Variants in NHSL1 observed in about 807,000 individuals in gnomAD.
NHSL1 encodes NHS like 1, also known as NHS-like protein 1.
A neutral mutation model predicts 95.0 loss-of-function variants in NHSL1; 48 were observed. The ratio of observed to expected loss-of-function variants is 0.51; its 90% confidence interval spans 0.40 to 0.64. The LOEUF (loss-of-function observed/expected upper bound fraction) is 0.64. NHSL1 is among the 30% of genes least tolerant of loss of function. NHSL1 has a pLI of 0.00. For missense variants in NHSL1, 1,971 were observed against 2,077.7 expected, an observed-to-expected ratio of 0.95 and a Z score of 1.00; for synonymous variants, 783 against 833.9, an observed-to-expected ratio of 0.94 and a Z score of 1.05.
At chr6:138,601,556 G>A (rs1784370806) in intron 1 of NHSL1, among the ~76,000 whole-genome samples, 1 of 152,142 alleles carries the variant, frequency 6.6e-6, no homozygotes, top group Admixed American at 6.5e-5. Context: ...GCTCATGCCT[G>A]CAATCCCAGC....
At chr6:138,654,330 G>A (rs577575953) in intron 1 of NHSL1, among the ~76,000 whole-genome samples, 2 of 152,264 alleles carry the variant, frequency 1.3e-5, no homozygotes, top group Non-Finnish European at 2.9e-5. Flanking sequence ...TGTGTATGCT[G>A]TTATTAGGAC....
chr6:138,662,926 C>T (rs1202056263), intron 1 of NHSL1, among the ~76,000 whole-genome samples: 1 of 151,060 alleles, frequency 6.6e-6, no homozygotes, highest in Non-Finnish European at 1.5e-5. Context: ...ACTTAGGTAA[C>T]AAATAGCAAA....
At chr6:138,514,091 C>T (rs760976094) in intron 1 of NHSL1, among the ~76,000 whole-genome samples, 6 of 151,758 alleles carry the variant, frequency 4.0e-5, no homozygotes, top group African/African-American at 7.3e-5. Flanking sequence ...CCAAGGCGGG[C>T]GGATCACCTG....
intron 1 of NHSL1, among the ~76,000 whole-genome samples, chr6:138,636,612 T>C (rs1201232112): frequency 6.6e-6 from 1 of 152,186 alleles, no homozygotes; most frequent in Non-Finnish European, 1.5e-5. Context: ...CATTTCTATA[T>C]GCCAACAGTG....
chr6:138,466,041 T>TGTGG lies in NHSL1; in HGVS notation c.339+7264_339+7265insCCAC, dbSNP rs372536926. Among the ~76,000 whole-genome samples, 11 of 125,612 alleles carry TGTGG rather than the reference T, an allele frequency of 8.8e-5. No individual in the cohort carries two copies. The South Asian group carries it at 2.4e-3, about 28-fold the overall frequency. 82.4% of individuals were successfully genotyped at this position (125,612 alleles called of 152,430 possible). The stretch of plus-strand genomic sequence containing the variant: ...GCCTGGCCCCACATACACTCCTTTT[T>TGTGG]GGGGGGGGGGCAGGGGGGAACAGAG... On this transcript the variant is annotated intron_variant, in intron 3 of 7. Transcript: ENST00000343505.
rs541358632 is a variant in NHSL1, at chr6:138,514,884, C to T, written c.17-18513G>A. On this transcript the variant is annotated intron_variant, in intron 1 of 4. Transcript: ENST00000342260. ...GCTGCAGTGAGCTGTGGTCACACCA[C>T]GGCATTCCAGCCTGGGCGACAACAC... Among the ~76,000 whole-genome samples, 8 of 152,238 alleles carry T rather than the reference C, an allele frequency of 5.3e-5. No homozygotes were observed. The South Asian group carries it at 1.0e-3, about 20-fold the overall frequency.
chr6:138,674,083 T>C (rs551804145), intron 1 of NHSL1, among the ~76,000 whole-genome samples: 2 of 152,302 alleles, frequency 1.3e-5, no homozygotes, highest in South Asian at 2.1e-4. Flanking sequence ...AAAGCAAGGA[T>C]AAAACTACAT....
At chr6:138,595,987 C>G (rs1784298186) in intron 1 of NHSL1, among the ~76,000 whole-genome samples, 1 of 151,950 alleles carries the variant, frequency 6.6e-6, no homozygotes, top group Non-Finnish European at 1.5e-5. Context: ...TCTTCCCAAC[C>G]CCAAGAGAAA....
intron 1 of NHSL1, among the ~76,000 whole-genome samples, chr6:138,561,436 T>G (rs1199186749): frequency 6.6e-6 from 1 of 152,158 alleles, no homozygotes; most frequent in Non-Finnish European, 1.5e-5. Flanking sequence ...AATACAGTCT[T>G]TTTCAAAAAT....
Position 138,431,437 on chromosome 6 carries a change from C to G in NHSL1, c.2908G>C (p.Val970Leu). 8 of 1,550,188 alleles carry G rather than the reference C, an allele frequency of 5.2e-6. No individual in the cohort carries two copies. Among genetic ancestry groups the G allele is most frequent in the Admixed American group, 2.0e-5 (1 of 50,908 alleles). ...GCTTCTGGCGGCGGAGGGGGGAACA[C>G]AGGAGAGTGAGGCAGAGGAGAGCCC... is the stretch of plus-strand genomic sequence containing the variant. ...SQGSPLPHSP[V>L]FPPPPPEALI... The change falls in exon 6 of 8, where the codon GTG becomes CTG. Residue 970 changes from valine (V) to leucine (L), a missense_variant. This residue lies in a region of NHSL1 where 1,602 missense variants were observed against 1,654.5 expected (regional missense o/e 0.97). Coordinates refer to ENST00000343505, the MANE Select transcript of NHSL1 (RefSeq NM_001144060.2). The surrounding 1 kb of genome is among the most constrained non-coding windows in gnomAD (Gnocchi z 4.0).
At position 138,433,215 on chromosome 6, in the gene NHSL1, C is replaced by T. The variant is rs2128202838; in HGVS notation, c.1130G>A (p.Gly377Glu). Residue 377 changes from glycine (G) to glutamate (E), a missense_variant, in exon 6 of 8, where the codon GGA becomes GAA. By Grantham distance (98) the Gly-to-Glu change is moderately conservative. Transcript: ENST00000343505. ...LGHLGGASGT[G>E]TLLRPKSQEL... ...CTGGGATTTGGGTCTCAAAAGTGTT[C>T]CAGTCCCTGAGGCACCTCCTAAATG... 6.4e-7 allele frequency: 1 copy of T among 1,551,250 alleles called. No homozygotes were observed. Among genetic ancestry groups the T allele is most frequent in the South Asian group, 1.2e-5 (1 of 84,042 alleles).
At chr6:138,633,802 T>C (rs1344334722) in intron 1 of NHSL1, among the ~76,000 whole-genome samples, 2 of 152,198 alleles carry the variant, frequency 1.3e-5, no homozygotes, top group Non-Finnish European at 1.5e-5. Context: ...ACTGTAACTG[T>C]GGTGTGTAAA....
intron 1 of NHSL1, among the ~76,000 whole-genome samples, chr6:138,526,172 G>A (rs1315408968): frequency 6.7e-6 from 1 of 150,164 alleles, no homozygotes; most frequent in Non-Finnish European, 1.5e-5. Context: ...TGAGTTCCCA[G>A]ATCATAATGT....
Position 138,423,819 on chromosome 6 carries a change from A to C in NHSL1, c.*262T>G. On this transcript the variant is annotated 3_prime_UTR_variant, in exon 8 of 8. Coordinates refer to ENST00000343505, the MANE Select transcript of NHSL1 (RefSeq NM_001144060.2). ...ACATACACACCCAGCATTTAGCAAA[A>C]AAAAAAAAAAAAAAAAAAAATCTTC... is the stretch of plus-strand genomic sequence containing the variant. 1 of 198,510 alleles carries C rather than the reference A, an allele frequency of 5.0e-6. No individual in the cohort carries two copies. The allele number at this position is 198,510 out of a possible 1,614,324, so 12.3% of individuals were successfully genotyped here. A position where few individuals can be genotyped will look rare whatever the true frequency, so the allele number is the denominator to read the frequency against.
intron 1 of NHSL1, among the ~76,000 whole-genome samples, chr6:138,630,907 A>C (rs2114658270): frequency 6.6e-6 from 1 of 152,286 alleles, no homozygotes. Context: ...AAGAACCAAA[A>C]ATTGGGTGAG....
chr6:138,627,659 G>A (rs1434720780), intron 1 of NHSL1, among the ~76,000 whole-genome samples: 1 of 152,106 alleles, frequency 6.6e-6, no homozygotes, highest in Non-Finnish European at 1.5e-5. Context: ...TGAGGCAGGT[G>A]GATCACGAGG....
chr6:138,558,399 G>A (rs1783279863), intron 1 of NHSL1, among the ~76,000 whole-genome samples: 1 of 150,252 alleles, frequency 6.7e-6, no homozygotes. Context: ...TGGGATTACA[G>A]GGGTAAGCCA....
At chr6:138,645,930 T>C (rs956194663) in intron 1 of NHSL1, among the ~76,000 whole-genome samples, 1 of 152,222 alleles carries the variant, frequency 6.6e-6, no homozygotes, top group Non-Finnish European at 1.5e-5. Flanking sequence ...TGTATACTGT[T>C]AAAAATGTTT....
chr6:138,434,866 G>A (rs1479939679), intron 5 of NHSL1, among the ~76,000 whole-genome samples: 3 of 152,162 alleles, frequency 2.0e-5, no homozygotes, highest in African/African-American at 7.2e-5. Flanking sequence ...GATAGCAGAG[G>A]GTAGTACTGA....
Sources: allele counts gnomAD v4.1 joint callset (sites outside exome capture counted in the v4.1 genomes callset), GRCh38; gene constraint gnomAD v4.1.1; regional missense constraint gnomAD v4.1.1; non-coding constraint Gnocchi (gnomAD v3.1); transcripts MANE v1.5; gene names NCBI Gene and HGNC (gene_info 2026-07-23, HGNC 2026-07-21).